INHBB: variants seen among roughly 807,000 people sequenced by gnomAD.
The protein encoded by INHBB is inhibin beta B chain.
In INHBB, 8 loss-of-function variants were observed where a neutral mutation model predicts 28.9. The observed-to-expected ratio is 0.28, with a 90% CI of 0.16 to 0.50. The LOEUF (loss-of-function observed/expected upper bound fraction) is 0.50, where lower values mean the gene tolerates loss of function less well. Among genes scored for constraint, INHBB ranks in the 20% least tolerant of loss-of-function variants. INHBB has a pLI of 0.98. For synonymous variants in INHBB, 293 were observed against 262.7 expected (o/e 1.12, Z -1.12); for missense variants, 499 against 597.8 (o/e 0.83, Z 1.72).
intron 1 of INHBB, among the ~76,000 whole-genome samples, chr2:120,346,983 T>C (rs1284979502): frequency 1.3e-5 from 2 of 152,014 alleles, no homozygotes; most frequent in Non-Finnish European, 2.9e-5. Flanking sequence ...GATTGCTTAA[T>C]GTTTTTGTTT....
chr2:120,346,368 C>T lies in INHBB; in HGVS notation c.180C>T (p.Gly60=), dbSNP rs751305678. The T allele has an allele frequency of 6.7e-7, 1 of 1,490,578 alleles. No individual in the cohort carries two copies. Among genetic ancestry groups the T allele is most frequent in the South Asian group, 1.3e-5 (1 of 75,952 alleles). 92.3% of individuals were successfully genotyped at this position (1,490,578 alleles called of 1,614,324 possible). A position where few individuals can be genotyped will look rare whatever the true frequency, so the allele number is the denominator to read the frequency against. The part of the protein sequence containing the change: ...GSQDTCTSCG[G]FRRPEELGRV... ...AGGACACCTGTACGTCGTGCGGCGG[C>T]TTCCGGCGGCCAGAGGAGCTCGGCC... The change falls in exon 1 of 2, where the codon GGC becomes GGT. Residue 60 remains glycine (G), a synonymous_variant. Transcript: ENST00000295228.
At chr2:120,348,129 C>T (rs749637418) in intron 1 of INHBB, among the ~76,000 whole-genome samples, 1 of 145,640 alleles carries the variant, frequency 6.9e-6, no homozygotes, top group Non-Finnish European at 1.5e-5. Flanking sequence ...TTAGAGGAGC[C>T]AGGCGAGGCC....
At chr2:120,346,798 C>T (rs557415392) in intron 1 of INHBB, among the ~76,000 whole-genome samples, 162 bp downstream of exon 1, 2 of 152,296 alleles carry the variant, frequency 1.3e-5, no homozygotes, top group African/African-American at 4.8e-5. Flanking sequence ...GCGCTCCGCC[C>T]GGGTTGCAGT....
At position 120,349,080 on chromosome 2, in the gene INHBB, C is replaced by T. The variant is rs919105864; in HGVS notation, c.449-19C>T. The T allele has an allele frequency of 6.3e-7, 1 of 1,581,394 alleles. No homozygotes were observed. The highest frequency in any genetic ancestry group is 8.6e-7 in the Non-Finnish European group (1 of 1,161,048). ...GTTCTCCTTGAATTAACTTGGCTCGCCCTTCCCCTTTTCCGCAGATGGCCT... is the reference window on the plus strand; with the variant it reads ...GTTCTCCTTGAATTAACTTGGCTCGTCCTTCCCCTTTTCCGCAGATGGCCT... On this transcript the variant is annotated intron_variant, in intron 1 of 1. Coordinates refer to ENST00000295228, the MANE Select transcript of INHBB (RefSeq NM_002193.4). This position sits in a 1 kb window ranked among gnomAD's most constrained non-coding sequence, Gnocchi z 5.6.
rs144231230 is a variant in INHBB, at chr2:120,347,826, A to G, written c.448+1190A>G. ...CTGGTTTGTGCTTAGAAAGAAATGCATTGCCGTTTTAGCTGTCCACTAAAG... is the reference window on the plus strand; with the variant it reads ...CTGGTTTGTGCTTAGAAAGAAATGCGTTGCCGTTTTAGCTGTCCACTAAAG... On this transcript the variant is annotated intron_variant, in intron 1 of 1. Coordinates refer to ENST00000295228, the MANE Select transcript of INHBB (RefSeq NM_002193.4). 3.2e-4 allele frequency among the ~76,000 whole-genome samples: 48 copies of G among 152,302 alleles called. 1 individual carries two copies. In the East Asian group the frequency reaches 9.1e-3, roughly 29 times the overall value.
rs147613754 is a variant in INHBB, at chr2:120,349,381, G to A, written c.731G>A (p.Arg244Gln). ...CAGGCCTTGTTTGAGCGGGGCGAGC[G>A]GCGACTCAACCTAGACGTGCAGTGT... ...AIQALFERGE[R>Q]RLNLDVQCDS... Residue 244 changes from arginine to glutamine, a missense_variant, in exon 2 of 2, where the codon CGG becomes CAG. By Grantham distance (43) the Arg-to-Gln change is conservative (BLOSUM62 1). Coordinates refer to ENST00000295228, the MANE Select transcript of INHBB (RefSeq NM_002193.4). The surrounding 1 kb of genome is among the most constrained non-coding windows in gnomAD (Gnocchi z 5.6). The A allele has an allele frequency of 8.7e-6, 14 of 1,613,926 alleles. No homozygotes were observed. The highest frequency in any genetic ancestry group is 3.3e-5 in the South Asian group (3 of 91,074).
chr2:120,348,515 C>T (rs1360752118), intron 1 of INHBB, among the ~76,000 whole-genome samples: 1 of 152,044 alleles, frequency 6.6e-6, no homozygotes, highest in African/African-American at 2.4e-5. Flanking sequence ...GCAAAGCACA[C>T]GTTCCTATGT....
rs1333910982 is a variant in INHBB, at chr2:120,350,944, G to T, written c.*1070G>T. On this transcript the variant is annotated 3_prime_UTR_variant, in exon 2 of 2. Coordinates refer to ENST00000295228, the MANE Select transcript of INHBB (RefSeq NM_002193.4). ...GTCCCCTCAGCGGAGGCCAAGGGAG[G>T]GGAGCAGCCTAGTTGGTCTTGGAGA... 1 of 152,728 alleles carries T rather than the reference G, an allele frequency of 6.5e-6. No individual in the cohort carries two copies. Among genetic ancestry groups the T allele is most frequent in the Non-Finnish European group, 1.5e-5 (1 of 68,084 alleles). The allele number at this position is 152,728 out of a possible 1,614,324, so 9.5% of individuals were successfully genotyped here.
Position 120,346,575 on chromosome 2 carries a change from C to A in INHBB, c.387C>A (p.His129Gln). ...GRVEIPHLDG[H>Q]ASPGADGQER... Reference sequence around the variant, plus strand: ...TGGAGATCCCGCACCTCGACGGCCACGCCAGCCCGGGCGCCGACGGCCAGG... The same window carrying A: ...TGGAGATCCCGCACCTCGACGGCCAAGCCAGCCCGGGCGCCGACGGCCAGG... Residue 129 changes from histidine (H) to glutamine (Q), a missense_variant, in exon 1 of 2, where the codon CAC becomes CAA. By Grantham distance (24) the His-to-Gln change is conservative. This residue lies in a region of INHBB where 385 missense variants were observed against 415.2 expected (regional missense o/e 0.93). Coordinates refer to ENST00000295228, the MANE Select transcript of INHBB (RefSeq NM_002193.4). The A allele has an allele frequency of 4.1e-6, 6 of 1,471,608 alleles. No individual in the cohort carries two copies. Among genetic ancestry groups the A allele is most frequent in the Non-Finnish European group, 5.4e-6 (6 of 1,119,234 alleles). The allele number at this position is 1,471,608 out of a possible 1,614,324, so 91.2% of individuals were successfully genotyped here.
Position 120,349,075 on chromosome 2 carries a change from G to T in INHBB, c.449-24G>T. On this transcript the variant is annotated intron_variant, in intron 1 of 1. Transcript: ENST00000295228. The surrounding 1 kb of genome is among the most constrained non-coding windows in gnomAD (Gnocchi z 5.6). ...CTTGTGTTCTCCTTGAATTAACTTGGCTCGCCCTTCCCCTTTTCCGCAGAT... is the reference window on the plus strand; with the variant it reads ...CTTGTGTTCTCCTTGAATTAACTTGTCTCGCCCTTCCCCTTTTCCGCAGAT... The T allele has an allele frequency of 1.3e-6, 2 of 1,572,756 alleles. No individual in the cohort carries two copies. Among genetic ancestry groups the T allele is most frequent in the Non-Finnish European group, 1.7e-6 (2 of 1,156,754 alleles).
rs376065523 is a variant in INHBB at position 120,346,611 on chromosome 2, C to T, written c.423C>T (p.Ser141=). 6 of 1,451,710 alleles carry T rather than the reference C, an allele frequency of 4.1e-6. No homozygotes were observed. The South Asian group carries it at 5.7e-5, about 14-fold the overall frequency. The allele number at this position is 1,451,710 out of a possible 1,614,324, so 89.9% of individuals were successfully genotyped here. A position where few individuals can be genotyped will look rare whatever the true frequency, so the allele number is the denominator to read the frequency against. Residue 141 remains serine (S), a synonymous_variant, in exon 1 of 2, where the codon TCC becomes TCT. Transcript: ENST00000295228. ...SPGADGQERV[S]EIISFAETDG... ...GCGCCGACGGCCAGGAGCGCGTTTC[C>T]GAAATCATCAGCTTCGCCGAGACAG...
At position 120,349,739 on chromosome 2, in the gene INHBB, G is replaced by A; in HGVS notation, c.1089G>A (p.Leu363=). ...AVVNQYRMRG[L]NPGTVNSCCI... ...TGAACCAGTACCGCATGCGGGGTCT[G>A]AACCCCGGCACGGTGAACTCCTGCT... Residue 363 remains leucine (L), a synonymous_variant, in exon 2 of 2, where the codon CTG becomes CTA. Coordinates refer to ENST00000295228, the MANE Select transcript of INHBB (RefSeq NM_002193.4). This position sits in a 1 kb window ranked among gnomAD's most constrained non-coding sequence, Gnocchi z 5.6. 6.2e-7 allele frequency: 1 copy of A among 1,613,686 alleles called. No individual in the cohort carries two copies. Among genetic ancestry groups the A allele is most frequent in the Non-Finnish European group, 8.5e-7 (1 of 1,180,044 alleles).
Position 120,346,575 on chromosome 2 carries a change from CGCCAGCCCGGGCGCCGACGGCCAG to C in INHBB, c.389_412del (p.Ala130_Gln137del). Reference sequence around the variant, plus strand: ...TGGAGATCCCGCACCTCGACGGCCACGCCAGCCCGGGCGCCGACGGCCAGGAGCGCGTTTCCGAAATCATCAGCT... The same window carrying C: ...TGGAGATCCCGCACCTCGACGGCCACGAGCGCGTTTCCGAAATCATCAGCT... On this transcript the variant is annotated inframe_deletion, in exon 1 of 2. Coordinates refer to ENST00000295228, the MANE Select transcript of INHBB (RefSeq NM_002193.4). The C allele has an allele frequency of 1.4e-6, 2 of 1,471,610 alleles. No individual in the cohort carries two copies. The highest frequency in any genetic ancestry group is 1.8e-6 in the Non-Finnish European group (2 of 1,119,234). 91.2% of individuals were successfully genotyped at this position (1,471,610 alleles called of 1,614,324 possible). A position where few individuals can be genotyped will look rare whatever the true frequency, so the allele number is the denominator to read the frequency against.
chr2:120,349,636 G>T lies in INHBB; in HGVS notation c.986G>T (p.Gly329Val). The stretch of plus-strand genomic sequence containing the variant: ...ATCATAGCACCCACCGGCTACTACG[G>T]GAACTACTGTGAGGGCAGCTGCCCA... ...DWIIAPTGYY[G>V]NYCEGSCPAY... is the part of the protein sequence containing the mutation. Residue 329 changes from glycine to valine, a missense_variant, in exon 2 of 2, where the codon GGG becomes GTG. Transcript: ENST00000295228. This position sits in a 1 kb window ranked among gnomAD's most constrained non-coding sequence, Gnocchi z 5.6. 1 of 1,613,808 alleles carries T rather than the reference G, an allele frequency of 6.2e-7. No homozygotes were observed.
Position 120,349,252 on chromosome 2 carries a change from T to G in INHBB, c.602T>G (p.Val201Gly). The change falls in exon 2 of 2, where the codon GTG becomes GGG. Residue 201 changes from valine (V) to glycine (G), a missense_variant. Val to Gly is a moderately radical substitution (Grantham distance 109). Coordinates refer to ENST00000295228, the MANE Select transcript of INHBB (RefSeq NM_002193.4). This position sits in a 1 kb window ranked among gnomAD's most constrained non-coding sequence, Gnocchi z 5.6. ...AGCCGGCGGAAGGTGCGGGTCAAAG[T>G]GTACTTCCAGGAGCAGGGCCACGGT... ...KGSRRKVRVK[V>G]YFQEQGHGDR... The G allele has an allele frequency of 6.2e-7, 1 of 1,614,118 alleles. No individual in the cohort carries two copies.
rs931631684 is a variant in INHBB, at chr2:120,346,598, A to G, written c.410A>G (p.Gln137Arg). ...CACGCCAGCCCGGGCGCCGACGGCCAGGAGCGCGTTTCCGAAATCATCAGC... is the reference window on the plus strand; with the variant it reads ...CACGCCAGCCCGGGCGCCGACGGCCGGGAGCGCGTTTCCGAAATCATCAGC... Reference protein sequence around the residue: ...DGHASPGADGQERVSEIISFA... With the variant: ...DGHASPGADGRERVSEIISFA... The change falls in exon 1 of 2, where the codon CAG (glutamine) becomes CGG (arginine). Residue 137 changes from glutamine to arginine, a missense_variant. Transcript: ENST00000295228. 1 of 1,454,346 alleles carries G rather than the reference A, an allele frequency of 6.9e-7. No homozygotes were observed. Among genetic ancestry groups the G allele is most frequent in the East Asian group, 2.7e-5 (1 of 36,582 alleles). The allele number at this position is 1,454,346 out of a possible 1,614,324, so 90.1% of individuals were successfully genotyped here.
In INHBB at chr2:120,346,546, C is replaced by G. The variant is rs893115187; in HGVS notation, c.358C>G (p.Arg120Gly). Residue 120 changes from arginine (R) to glycine (G), a missense_variant, in exon 1 of 2, where the codon CGC (arginine) becomes GGC (glycine). Coordinates refer to ENST00000295228, the MANE Select transcript of INHBB (RefSeq NM_002193.4). ...LHAGKVREDG[R>G]VEIPHLDGHA... ...CGCGGGCAAGGTGCGCGAGGACGGC[C>G]GCGTGGAGATCCCGCACCTCGACGG... The G allele has an allele frequency of 9.3e-6, 14 of 1,513,300 alleles. No homozygotes were observed. The highest frequency in any genetic ancestry group is 1.1e-5 in the Non-Finnish European group (13 of 1,137,424). The allele number at this position is 1,513,300 out of a possible 1,614,324, so 93.7% of individuals were successfully genotyped here.
In INHBB at chr2:120,346,223, C is replaced by T. The variant is rs1434153838; in HGVS notation, c.35C>T (p.Ala12Val). 8.2e-6 allele frequency: 10 copies of T among 1,216,344 alleles called. No individual in the cohort carries two copies. Among genetic ancestry groups the T allele is most frequent in the Non-Finnish European group, 9.2e-6 (9 of 978,660 alleles). The allele number at this position is 1,216,344 out of a possible 1,614,324, so 75.3% of individuals were successfully genotyped here. The change falls in exon 1 of 2, where the codon GCC becomes GTC. Residue 12 changes from alanine to valine, a missense_variant. This residue lies in a region of INHBB where 385 missense variants were observed against 415.2 expected (regional missense o/e 0.93). Coordinates refer to ENST00000295228, the MANE Select transcript of INHBB (RefSeq NM_002193.4). ...CTGCCCGGTCGGGCGCTGGGGGCCG[C>T]CTGCCTTCTGCTGCTGGCGGCCGGC... ...DGLPGRALGA[A>V]CLLLLAAGWL...
rs569877940 is a variant in INHBB, at chr2:120,349,919, C to T, written c.*45C>T. ...GGTGGTGGGGCACGGAGGGCAGTCC[C>T]GGGTGGGCTTCTTCCAGCCCCCGCG... On this transcript the variant is annotated 3_prime_UTR_variant, in exon 2 of 2. Transcript: ENST00000295228. The surrounding 1 kb of genome is among the most constrained non-coding windows in gnomAD (Gnocchi z 5.6). 172 of 1,567,368 alleles carry T rather than the reference C, an allele frequency of 1.1e-4. No homozygotes were observed. In the South Asian group the frequency reaches 1.5e-3, roughly 14 times the overall value.
Sources: gnomAD v4.1 joint callset for allele counts (sites outside exome capture counted in the v4.1 genomes callset) on GRCh38, gnomAD v4.1.1 for gene constraint, gnomAD v4.1.1 regional missense constraint, Gnocchi (gnomAD v3.1) non-coding constraint, MANE v1.5 for transcripts, NCBI Gene and HGNC (gene_info 2026-07-23, HGNC 2026-07-21) for gene names.